Variants in HHIP observed in about 807,000 individuals in gnomAD.
The protein encoded by HHIP is hedgehog interacting protein.
HHIP carries 12 observed loss-of-function variants against 74.0 expected under a neutral mutation model. The ratio of observed to expected loss-of-function variants is 0.16; its 90% CI spans 0.10 to 0.26. HHIP has a LOEUF of 0.26. Among genes scored for constraint, HHIP ranks in the 10% least tolerant of loss-of-function variants. The probability of loss-of-function intolerance (pLI) is 1.00; values close to 1 mark genes in which losing one functional copy is unlikely to be tolerated. For synonymous variants in HHIP, 309 were observed against 311.6 expected, an observed-to-expected ratio of 0.99 and a Z score of 0.09; for missense variants, 788 against 845.0, an observed-to-expected ratio of 0.93 and a Z score of 0.84.
chr4:144,675,714 C>T (rs1729153120), intron 4 of HHIP, among the ~76,000 whole-genome samples: 2 of 151,838 alleles, frequency 1.3e-5, no homozygotes, highest in African/African-American at 4.8e-5. Flanking sequence ...GCATAAAACA[C>T]TGTATTGTTT....
At chr4:144,652,351 A>T (rs915214422) in intron 1 of HHIP, among the ~76,000 whole-genome samples, 1 of 152,098 alleles carries the variant, frequency 6.6e-6, no homozygotes, top group African/African-American at 2.4e-5. Context: ...CACCTGAAGT[A>T]CAGATGAAAT....
rs147943720 is a variant in HHIP at position 144,669,414 on chromosome 4, G to T, written c.831+9576G>T. Among the ~76,000 whole-genome samples the T allele has an allele frequency of 2.1e-4, 32 of 152,138 alleles. No individual in the cohort carries two copies. In the East Asian group the frequency reaches 6.0e-3, roughly 28 times the overall value. On this transcript the variant is annotated intron_variant, in intron 4 of 12. Coordinates refer to ENST00000296575, the MANE Select transcript of HHIP (RefSeq NM_022475.3). ...ACTCAGGAATTATCATCAGAAGGGA[G>T]GTCAAATTGGAATCCTTTATCTAAA...
intron 4 of HHIP, among the ~76,000 whole-genome samples, chr4:144,665,499 T>G (rs1226812503): frequency 1.3e-5 from 2 of 152,186 alleles, no homozygotes; most frequent in Non-Finnish European, 2.9e-5. Context: ...AAAATGTCAT[T>G]TTCAATTTTC....
intron 1 of HHIP, among the ~76,000 whole-genome samples, chr4:144,649,748 T>C (rs1728366607): frequency 6.6e-6 from 1 of 152,168 alleles, no homozygotes; most frequent in South Asian, 2.1e-4. Context: ...AAAGTAATTG[T>C]TTTCAAGTGT....
At position 144,712,016 on chromosome 4, in the gene HHIP, T is replaced by C. The variant is rs1346108742; in HGVS notation, c.1368T>C (p.Asn456=). Residue 456 remains asparagine, a synonymous_variant, in exon 8 of 13, where the codon AAT becomes AAC. Coordinates refer to ENST00000296575, the MANE Select transcript of HHIP (RefSeq NM_022475.3). Reference sequence around the variant, plus strand: ...TAACGATACTGTGTTCAGACTCCAATGGAAAAAACAGATCATCAGCCAGAA... The same window carrying C: ...TAACGATACTGTGTTCAGACTCCAACGGAAAAAACAGATCATCAGCCAGAA... The part of the protein sequence containing the change: ...INLTILCSDS[N]GKNRSSARIL... The C allele has an allele frequency of 1.2e-6, 2 of 1,611,824 alleles. No homozygotes were observed. Among genetic ancestry groups the C allele is most frequent in the Non-Finnish European group, 1.7e-6 (2 of 1,178,160 alleles).
At chr4:144,664,550 A>C (rs1482138416) in intron 4 of HHIP, among the ~76,000 whole-genome samples, 2 of 152,200 alleles carry the variant, frequency 1.3e-5, no homozygotes, top group Non-Finnish European at 2.9e-5. Flanking sequence ...TTTTTGCTTG[A>C]GTGAAATGAA....
At chr4:144,721,496 T>A (rs948788769) in intron 11 of HHIP, among the ~76,000 whole-genome samples, 1 of 149,586 alleles carries the variant, frequency 6.7e-6, no homozygotes, top group African/African-American at 2.5e-5. Flanking sequence ...TGCAGCAATC[T>A]CAGAAAAGGA....
chr4:144,675,462 A>G (rs1729147482), intron 4 of HHIP, among the ~76,000 whole-genome samples: 1 of 152,004 alleles, frequency 6.6e-6, no homozygotes, highest in South Asian at 2.1e-4. Context: ...TCAGTTTTGG[A>G]TTAAAAACCC....
At chr4:144,653,777 T>C (rs928508755) in intron 2 of HHIP, among the ~76,000 whole-genome samples, 1 of 152,210 alleles carries the variant, frequency 6.6e-6, no homozygotes, top group Non-Finnish European at 1.5e-5. Flanking sequence ...AATATAGCTC[T>C]CTTAATAACC....
chr4:144,735,782 A>G (rs562919554), intron 12 of HHIP, among the ~76,000 whole-genome samples: 78 of 152,338 alleles, frequency 5.1e-4, no homozygotes, highest in African/African-American at 1.2e-3. Context: ...TCAAAAAATT[A>G]TAACTATAAC....
At position 144,659,053 on chromosome 4, in the gene HHIP, C is replaced by T. The variant is rs888697928; in HGVS notation, c.629+107C>T. On this transcript the variant is annotated intron_variant, in intron 3 of 12. Transcript: ENST00000296575. ...CTGTGCTTATGTTCAGCAGCTATAT[C>T]CTCCAGATGCTTTAGTTTTTTCTCT... 101 of 811,218 alleles carry T rather than the reference C, an allele frequency of 1.2e-4. 1 individual carries two copies. Among genetic ancestry groups the T allele is most frequent in the Non-Finnish European group, 1.5e-4 (79 of 538,636 alleles). The allele number at this position is 811,218 out of a possible 1,614,324, so 50.3% of individuals were successfully genotyped here.
At chr4:144,681,545 C>T (rs147158115) in intron 4 of HHIP, among the ~76,000 whole-genome samples, 1,851 of 151,912 alleles carry the variant, frequency 0.012, 32 homozygotes, top group African/African-American at 0.043. Context: ...CTGCCTCAGC[C>T]TCCCGAGTAA....
At chr4:144,654,682 C>T (rs897807734) in intron 2 of HHIP, among the ~76,000 whole-genome samples, 3 of 152,134 alleles carry the variant, frequency 2.0e-5, no homozygotes, top group African/African-American at 7.2e-5. Context: ...CTGCCCCTGC[C>T]CCCAGCACAG....
At chr4:144,680,435 AC>A (rs1204419317) in intron 4 of HHIP, among the ~76,000 whole-genome samples, 1 of 152,156 alleles carries the variant, frequency 6.6e-6, no homozygotes, top group Non-Finnish European at 1.5e-5. Context: ...CCATGGTGCA[AC>A]CTAGCTAGAG....
chr4:144,670,684 A>T (rs925923445), intron 4 of HHIP, among the ~76,000 whole-genome samples: 1 of 148,476 alleles, frequency 6.7e-6, no homozygotes, highest in African/African-American at 2.5e-5. Flanking sequence ...ACAGTTTCAA[A>T]CTGTTCAGAA....
intron 4 of HHIP, among the ~76,000 whole-genome samples, chr4:144,702,169 AAAT>A (rs1730004904): frequency 6.6e-6 from 1 of 152,112 alleles, no homozygotes; most frequent in Non-Finnish European, 1.5e-5. Flanking sequence ...GAAAAGAAAA[AAAT>A]AATACTTTCT....
intron 1 of HHIP, 63 bp from the exon 2 acceptor site, chr4:144,652,542 T>C (rs1454896164): frequency 2.0e-6 from 2 of 1,022,834 alleles, no homozygotes; most frequent in African/African-American, 3.3e-5. Context: ...CAAAAAATAA[T>C]AATAATAGCT....
chr4:144,716,442 A>C (rs955285723), intron 10 of HHIP, among the ~76,000 whole-genome samples: 5 of 152,124 alleles, frequency 3.3e-5, no homozygotes, highest in African/African-American at 1.2e-4. Context: ...GCAATTTAAA[A>C]TTTTTCCTTA....
At chr4:144,695,411 T>C (rs2126639829) in intron 4 of HHIP, among the ~76,000 whole-genome samples, 1 of 151,942 alleles carries the variant, frequency 6.6e-6, no homozygotes, top group South Asian at 2.1e-4. Flanking sequence ...TTTTTGTTCT[T>C]ATAAATATGT....
Sources: gnomAD v4.1 joint callset for allele counts (sites outside exome capture counted in the v4.1 genomes callset) on GRCh38, gnomAD v4.1.1 for gene constraint, MANE v1.5 for transcripts, NCBI Gene and HGNC (gene_info 2026-07-23, HGNC 2026-07-21) for gene names.